LAMA2: variants seen among roughly 807,000 people sequenced by gnomAD.
LAMA2 encodes the protein laminin subunit alpha-2.
Under a neutral mutation model 364.8 loss-of-function variants are expected in LAMA2, and 269 were observed. The ratio of observed to expected loss-of-function variants is 0.74; its 90% confidence interval spans 0.67 to 0.82. LAMA2 has a LOEUF of 0.82. LAMA2 is among the 40% of genes least tolerant of loss of function. The probability of loss-of-function intolerance (pLI) is 0.00; values close to 1 mark genes in which losing one functional copy is unlikely to be tolerated. For missense variants in LAMA2, 3,807 were observed against 3,873.2 expected (o/e 0.98, Z 0.45); for synonymous variants, 1,379 against 1,370.6 (o/e 1.01, Z -0.14).
chr6:129,420,584 AG>A (rs1188436212), intron 40 of LAMA2, among the ~76,000 whole-genome samples: 1 of 152,184 alleles, frequency 6.6e-6, no homozygotes, highest in African/African-American at 2.4e-5. Context: ...ATGAATTTTT[AG>A]TTACTACTGT....
intron 1 of LAMA2, among the ~76,000 whole-genome samples, chr6:128,936,599 TTA>T (rs1779827380): frequency 6.6e-6 from 1 of 152,122 alleles, no homozygotes; most frequent in Non-Finnish European, 1.5e-5. Context: ...AAAGTTTAAT[TTA>T]TGTTAGGCAC....
intron 1 of LAMA2, among the ~76,000 whole-genome samples, chr6:129,032,238 C>G (rs149255599): frequency 6.6e-6 from 1 of 152,200 alleles, no homozygotes; most frequent in Non-Finnish European, 1.5e-5. Flanking sequence ...ATGAAGCTTA[C>G]GTTCCAGCAA....
intron 1 of LAMA2, among the ~76,000 whole-genome samples, chr6:129,020,786 C>T (rs981510558): frequency 3.3e-5 from 5 of 152,100 alleles, no homozygotes; most frequent in Non-Finnish European, 7.3e-5. Context: ...GAAAGCCTCT[C>T]CCTGTGCTTG....
rs550722207 is a variant in LAMA2, at chr6:128,908,243, C to T, written c.112+24886C>T. ...TCCTCCTTGTACCTCTGGTAGAATT[C>T]GGCTGTGAATCCATCTGGTCCTGGA... On this transcript the variant is annotated intron_variant, in intron 1 of 64. Transcript: ENST00000421865. Among the ~76,000 whole-genome samples the T allele has an allele frequency of 6.0e-4, 90 of 150,856 alleles. No individual in the cohort carries two copies. The South Asian group carries it at 0.014, about 24-fold the overall frequency.
chr6:129,188,762 G>A (rs905190888), intron 10 of LAMA2, among the ~76,000 whole-genome samples: 1 of 151,920 alleles, frequency 6.6e-6, no homozygotes, highest in Non-Finnish European at 1.5e-5. Context: ...TAGAAATTCA[G>A]TATCAAAAAG....
intron 2 of LAMA2, among the ~76,000 whole-genome samples, chr6:129,052,850 C>T (rs1190932531): frequency 2.0e-5 from 3 of 151,948 alleles, no homozygotes; most frequent in South Asian, 2.1e-4. Context: ...AGGCATTGTG[C>T]CTTTTTTCTT....
intron 29 of LAMA2, among the ~76,000 whole-genome samples, chr6:129,329,571 A>G (rs915469109): frequency 6.6e-6 from 1 of 152,094 alleles, no homozygotes; most frequent in Admixed American, 6.5e-5. Flanking sequence ...CATGTTGTCT[A>G]GGCTGGTCTC....
At chr6:129,078,797 A>G (rs1773831536) in intron 3 of LAMA2, among the ~76,000 whole-genome samples, 1 of 151,938 alleles carries the variant, frequency 6.6e-6, no homozygotes, top group African/African-American at 2.4e-5. Flanking sequence ...ATAACTCCCC[A>G]TTCTCTCTCC....
At chr6:129,025,186 T>TA (rs954767455) in intron 1 of LAMA2, among the ~76,000 whole-genome samples, 2 of 152,142 alleles carry the variant, frequency 1.3e-5, no homozygotes, top group Non-Finnish European at 2.9e-5. Flanking sequence ...TTATAAAATG[T>TA]AAAAAATCAA....
chr6:129,082,805 C>T (rs1421737170), intron 3 of LAMA2, among the ~76,000 whole-genome samples: 4 of 152,024 alleles, frequency 2.6e-5, no homozygotes, highest in African/African-American at 9.7e-5. Context: ...CTCTTTATCT[C>T]TTTAAAATCA....
chr6:129,263,774 C>T (rs1397969214), intron 15 of LAMA2, among the ~76,000 whole-genome samples: 1 of 152,144 alleles, frequency 6.6e-6, no homozygotes, highest in African/African-American at 2.4e-5. Flanking sequence ...GGGTCTTGCT[C>T]TGTCACCTAG....
At chr6:129,035,157 AC>A (rs1214439968) in intron 1 of LAMA2, among the ~76,000 whole-genome samples, 1 of 151,864 alleles carries the variant, frequency 6.6e-6, no homozygotes, top group African/African-American at 2.4e-5. Flanking sequence ...ATATTTTTTG[AC>A]TTTTTAATAC....
chr6:129,035,291 CT>C (rs1223184291), intron 1 of LAMA2, among the ~76,000 whole-genome samples: 3 of 142,682 alleles, frequency 2.1e-5, no homozygotes, highest in African/African-American at 7.8e-5. Flanking sequence ...TTTTTCTTTT[CT>C]TTTCTTTTCT....
At position 129,322,631 on chromosome 6, in the gene LAMA2, A is replaced by G. The variant is rs116589231; in HGVS notation, c.4176+1976A>G. The stretch of plus-strand genomic sequence containing the variant: ...CTGCAATATTATTTTGCTATAGAAA[A>G]TATTCTGTAAGTAGTCAAGGTTGAC... On this transcript the variant is annotated intron_variant, in intron 28 of 64. Coordinates refer to ENST00000421865, the MANE Select transcript of LAMA2 (RefSeq NM_000426.4). 3.7e-3 allele frequency among the ~76,000 whole-genome samples: 567 copies of G among 152,306 alleles called. 3 individuals carry two copies. Among genetic ancestry groups the G allele is most frequent in the African/African-American group, 0.013 (521 of 41,574 alleles).
chr6:129,054,239 G>A (rs1267584982), intron 2 of LAMA2, among the ~76,000 whole-genome samples: 1 of 152,136 alleles, frequency 6.6e-6, no homozygotes, highest in Non-Finnish European at 1.5e-5. Flanking sequence ...GAATAAAGTG[G>A]CAATTCCATA....
At chr6:129,014,952 G>C (rs1335881588) in intron 1 of LAMA2, among the ~76,000 whole-genome samples, 1 of 151,752 alleles carries the variant, frequency 6.6e-6, no homozygotes, top group Non-Finnish European at 1.5e-5. Context: ...TTGACATGAA[G>C]AACTATTTAG....
Position 129,315,611 on chromosome 6 carries a change from G to T in LAMA2, c.3691G>T (p.Glu1231Ter). The T allele has an allele frequency of 3.1e-6, 5 of 1,614,134 alleles. No homozygotes were observed. The highest frequency in any genetic ancestry group is 4.2e-6 in the Non-Finnish European group (5 of 1,180,012). Residue 1231 changes from glutamate (E) to a stop codon, truncating the protein, a stop_gained, in exon 25 of 65, where the codon GAA becomes TAA. Coordinates refer to ENST00000421865, the MANE Select transcript of LAMA2 (RefSeq NM_000426.4). LOFTEE classifies it high-confidence loss of function. Reference sequence around the variant, plus strand: ...CCTGATGAGAGAAGATCTCCATTTGGAACCTTTTTATTGGAAACTTCCAGA... The same window carrying T: ...CCTGATGAGAGAAGATCTCCATTTGTAACCTTTTTATTGGAAACTTCCAGA... ...MDLMREDLHL[E>*]PFYWKLPEQF...
intron 37 of LAMA2, among the ~76,000 whole-genome samples, chr6:129,399,454 T>A (rs960679498): frequency 6.6e-6 from 1 of 152,228 alleles, no homozygotes; most frequent in African/African-American, 2.4e-5. Flanking sequence ...GTGAATGGGC[T>A]GCACATTGAG....
At chr6:129,126,039 C>T (rs1777098552) in intron 4 of LAMA2, among the ~76,000 whole-genome samples, 2 of 152,112 alleles carry the variant, frequency 1.3e-5, no homozygotes, top group South Asian at 4.1e-4. Context: ...TATAATTCTG[C>T]CTGCTGCTGT....
Sources: allele counts gnomAD v4.1 joint callset (sites outside exome capture counted in the v4.1 genomes callset), GRCh38; gene constraint gnomAD v4.1.1; transcripts MANE v1.5; gene names NCBI Gene and HGNC (gene_info 2026-07-23, HGNC 2026-07-21).